COL19A1: variants seen among roughly 807,000 people sequenced by gnomAD.
COL19A1 encodes the protein collagen alpha-1(XIX) chain.
In COL19A1, 159 loss-of-function variants were observed where a neutral mutation model predicts 190.2. The observed-to-expected ratio is 0.84, with a 90% CI of 0.73 to 0.95. The LOEUF (loss-of-function observed/expected upper bound fraction) is 0.95, where lower values mean the gene tolerates loss of function less well. Ranked by LOEUF, COL19A1 falls within the 40% of genes least tolerant of loss-of-function variation. The probability of loss-of-function intolerance (pLI) is 0.00; values close to 1 mark genes in which losing one functional copy is unlikely to be tolerated. For missense variants in COL19A1, 1,418 were observed against 1,431.9 expected, an observed-to-expected ratio of 0.99 and a Z score of 0.16; for synonymous variants, 509 against 458.9, an observed-to-expected ratio of 1.11 and a Z score of -1.39.
intron 8 of COL19A1, among the ~76,000 whole-genome samples, chr6:69,937,747 G>A (rs539023015): frequency 1.3e-5 from 2 of 152,230 alleles, no homozygotes; most frequent in South Asian, 2.1e-4. Flanking sequence ...TAAGCTCTAC[G>A]AGAAAGGCAA....
At chr6:70,141,869 T>A (rs1284445260) in intron 20 of COL19A1, 24 bp from the exon 21 acceptor site, 1 of 1,477,772 alleles carries the variant, frequency 6.8e-7, no homozygotes. Flanking sequence ...AGCATTACCC[T>A]TATAGTAATT....
In COL19A1 at chr6:70,212,186, T is replaced by C. The variant is rs1237529133; in HGVS notation, c.*4912T>C. 6.6e-6 allele frequency among the ~76,000 whole-genome samples: 1 copy of C among 152,216 alleles called. No homozygotes were observed. The highest frequency in any genetic ancestry group is 1.5e-5 in the Non-Finnish European group (1 of 68,030). ...TTGGAGATAAATGTTTTTCAGCACATTAATGTCTTTAAATTCAGGTTGTAT... is the reference window on the plus strand; with the variant it reads ...TTGGAGATAAATGTTTTTCAGCACACTAATGTCTTTAAATTCAGGTTGTAT... On this transcript the variant is annotated 3_prime_UTR_variant, in exon 51 of 51. Coordinates refer to ENST00000620364, the MANE Select transcript of COL19A1 (RefSeq NM_001858.6).
In COL19A1 at chr6:69,920,313, C is replaced by G. The variant is rs182458099; in HGVS notation, c.267-7596C>G. Among the ~76,000 whole-genome samples the G allele has an allele frequency of 7.2e-5, 11 of 152,198 alleles. No individual in the cohort carries two copies. The East Asian group carries it at 2.1e-3, about 29-fold the overall frequency. ...GCTATTTCTGATCCCCTGGTCACTT[C>G]CCCGAAGTTTCATATGGTTTTCTTC... On this transcript the variant is annotated intron_variant, in intron 4 of 50. Transcript: ENST00000620364.
At chr6:70,167,946 C>A in intron 37 of COL19A1, 79 bp from the exon 38 acceptor site, 1 of 1,061,314 alleles carries the variant, frequency 9.4e-7, no homozygotes, top group South Asian at 1.6e-5. Context: ...GGAATAGTAT[C>A]ATTTGGTAAA....
intron 14 of COL19A1, among the ~76,000 whole-genome samples, chr6:70,058,120 A>G (rs1021748081): frequency 6.6e-6 from 1 of 152,118 alleles, no homozygotes; most frequent in Non-Finnish European, 1.5e-5. Flanking sequence ...GGCTTAAACA[A>G]TAGCGACAGA....
At chr6:70,092,808 A>G (rs1271356856) in intron 15 of COL19A1, among the ~76,000 whole-genome samples, 2 of 152,192 alleles carry the variant, frequency 1.3e-5, no homozygotes, top group African/African-American at 4.8e-5. Flanking sequence ...ACTCAGAAAT[A>G]CTGAAACTAT....
At chr6:69,877,897 C>T (rs545667424) in intron 1 of COL19A1, among the ~76,000 whole-genome samples, 8 of 152,054 alleles carry the variant, frequency 5.3e-5, no homozygotes, top group African/African-American at 1.7e-4. Flanking sequence ...CCCAGCTACT[C>T]GAGAGACTGA....
chr6:69,901,344 C>T (rs1770176866), intron 4 of COL19A1, among the ~76,000 whole-genome samples: 1 of 152,238 alleles, frequency 6.6e-6, no homozygotes, highest in Admixed American at 6.5e-5. Flanking sequence ...TCATAACCTA[C>T]ACTTTTTCCC....
At chr6:70,179,361 A>G (rs1445880140) in intron 42 of COL19A1, among the ~76,000 whole-genome samples, 1 of 152,116 alleles carries the variant, frequency 6.6e-6, no homozygotes, top group African/African-American at 2.4e-5. Context: ...AAGGGACAGG[A>G]GGTGGTTCCT....
chr6:69,890,341 A>G (rs769927580), intron 2 of COL19A1: 1 of 152,206 alleles, frequency 6.6e-6, no homozygotes. Context: ...CCCACTACAG[A>G]TTAACTTACG....
chr6:69,942,378 C>T (rs1287964527), intron 9 of COL19A1, among the ~76,000 whole-genome samples: 1 of 152,108 alleles, frequency 6.6e-6, no homozygotes, highest in Non-Finnish European at 1.5e-5. Context: ...GTATTGGGAA[C>T]ATTCAAGATT....
chr6:69,913,366 AAC>A (rs1771088356), intron 4 of COL19A1, among the ~76,000 whole-genome samples: 1 of 152,232 alleles, frequency 6.6e-6, no homozygotes, highest in South Asian at 2.1e-4. Context: ...GGTGAATAGA[AAC>A]AGTCCCCTCC....
At chr6:70,090,154 G>A (rs528095628) in intron 15 of COL19A1, among the ~76,000 whole-genome samples, 1 of 151,302 alleles carries the variant, frequency 6.6e-6, no homozygotes, top group Non-Finnish European at 1.5e-5. Flanking sequence ...TTCAGCCTGG[G>A]TGACAGAGCA....
At chr6:70,181,025 T>C (rs1257531085) in intron 44 of COL19A1, among the ~76,000 whole-genome samples, 1 of 152,254 alleles carries the variant, frequency 6.6e-6, no homozygotes, top group Non-Finnish European at 1.5e-5. Flanking sequence ...ATCTGTGGTA[T>C]TGATGTGACA....
chr6:69,912,106 G>C (rs149227035), intron 4 of COL19A1, among the ~76,000 whole-genome samples: 17 of 152,166 alleles, frequency 1.1e-4, no homozygotes, highest in African/African-American at 3.9e-4. Context: ...GTCTCTCTCT[G>C]TCATACCATG....
intron 4 of COL19A1, among the ~76,000 whole-genome samples, chr6:69,916,701 T>C (rs927139476): frequency 3.3e-5 from 5 of 152,244 alleles, no homozygotes; most frequent in African/African-American, 7.2e-5. Context: ...TATTTATTCA[T>C]TTCTTGAAAT....
chr6:70,165,699 G>C (rs184608438), intron 36 of COL19A1, among the ~76,000 whole-genome samples: 1 of 152,110 alleles, frequency 6.6e-6, no homozygotes, highest in South Asian at 2.1e-4. Flanking sequence ...AATAAGCTTC[G>C]TTTCTAGAGC....
At position 70,047,606 on chromosome 6, in the gene COL19A1, C is replaced by G. The variant is rs191262528; in HGVS notation, c.1170+11667C>G. 2.0e-5 allele frequency among the ~76,000 whole-genome samples: 3 copies of G among 152,102 alleles called. No homozygotes were observed. The East Asian group carries it at 5.8e-4, about 29-fold the overall frequency. Reference sequence around the variant, plus strand: ...TATTCAAGTACGATAAGCACAAATTCTTTGGTTATATGTCATCTGTTGTTA... The same window carrying G: ...TATTCAAGTACGATAAGCACAAATTGTTTGGTTATATGTCATCTGTTGTTA... On this transcript the variant is annotated intron_variant, in intron 14 of 50. Transcript: ENST00000620364.
intron 42 of COL19A1, among the ~76,000 whole-genome samples, chr6:70,179,035 C>G (rs1453820184): frequency 6.6e-6 from 1 of 152,120 alleles, no homozygotes; most frequent in African/African-American, 2.4e-5. Flanking sequence ...TCTATACCCG[C>G]CATGTCCCAC....
Sources: allele counts gnomAD v4.1 joint callset (sites outside exome capture counted in the v4.1 genomes callset), GRCh38; gene constraint gnomAD v4.1.1; transcripts MANE v1.5; gene names NCBI Gene and HGNC (gene_info 2026-07-23, HGNC 2026-07-21).